TFEC: variants seen among roughly 807,000 people sequenced by gnomAD.
The protein encoded by TFEC is transcription factor EC.
Under a neutral mutation model 41.6 loss-of-function variants are expected in TFEC, and 31 were observed. The observed-to-expected ratio is 0.74, with a 90% confidence interval of 0.56 to 1.01. The LOEUF (loss-of-function observed/expected upper bound fraction) is 1.01, where lower values mean the gene tolerates loss of function less well. Ranked by LOEUF, TFEC falls within the 50% of genes least tolerant of loss-of-function variation. The probability of loss-of-function intolerance (pLI) is 0.00; values close to 1 mark genes in which losing one functional copy is unlikely to be tolerated. For synonymous variants in TFEC, 143 were observed against 140.6 expected, an observed-to-expected ratio of 1.02 and a Z score of -0.12; for missense variants, 402 against 404.1, an observed-to-expected ratio of 0.99 and a Z score of 0.04.
Position 116,030,717 on chromosome 7 carries a change from G to C in TFEC, c.-157C>G. ...CCTCTTCCCATAACATATGCACCAT[G>C]CCAGAAGGGACAACCAAAGTAAACG... is the stretch of plus-strand genomic sequence containing the variant. On this transcript the variant is annotated 5_prime_UTR_variant, in exon 1 of 8. Coordinates refer to ENST00000265440, the MANE Select transcript of TFEC (RefSeq NM_012252.4). The C allele has an allele frequency of 1.0e-6, 1 of 985,364 alleles. No individual in the cohort carries two copies. The highest frequency in any genetic ancestry group is 1.2e-6 in the Non-Finnish European group (1 of 829,924). The allele number at this position is 985,364 out of a possible 1,614,324, so 61.0% of individuals were successfully genotyped here.
In TFEC at chr7:115,974,429, TATATATATATATATATATATAA is replaced by T. The variant is rs1204259674; in HGVS notation, c.181-195_181-174del. On this transcript the variant is annotated intron_variant, in intron 2 of 7. Transcript: ENST00000265440. The stretch of plus-strand genomic sequence containing the variant: ...TATTATATATATATATATATATATA[TATATATATATATATATATATAA>T]AAACACAGATTACTTTAGCATTGAA... Among the ~76,000 whole-genome samples, 31 of 54,664 alleles carry T rather than the reference TATATATATATATATATATATAA, an allele frequency of 5.7e-4. 2 individuals are homozygous for T. The highest frequency in any genetic ancestry group is 5.8e-4 in the South Asian group (1 of 1,726). The allele number at this position is 54,664 out of a possible 152,430, so 35.9% of individuals were successfully genotyped here.
chr7:116,053,117 A>C (rs554350576), intron 3 of TFEC, among the ~76,000 whole-genome samples: 5 of 152,252 alleles, frequency 3.3e-5, no homozygotes, highest in African/African-American at 1.2e-4. Flanking sequence ...ACAATGGGTT[A>C]ATCTCTCCTG....
Position 116,054,703 on chromosome 7 carries a change from G to A in TFEC, c.198+56005C>T, listed in dbSNP as rs560885259. ...GTCTCAAATATGGCATGGAACATAC[G>A]TACACCAAAAAATTATTTGTTGTTC... On this transcript the variant is annotated intron_variant, in intron 3 of 8. Coordinates refer to the TFEC transcript ENST00000484212. Among the ~76,000 whole-genome samples, 16 of 152,112 alleles carry A rather than the reference G, an allele frequency of 1.1e-4. No homozygotes were observed. In the South Asian group the frequency reaches 1.4e-3, roughly 14 times the overall value.
chr7:116,082,434 G>A (rs572682604), intron 3 of TFEC, among the ~76,000 whole-genome samples: 3 of 151,870 alleles, frequency 2.0e-5, no homozygotes, highest in Non-Finnish European at 2.9e-5. Context: ...TAACTCACCA[G>A]AACTATTTTG....
chr7:115,996,393 A>G (rs1446623058), intron 1 of TFEC, among the ~76,000 whole-genome samples: 4 of 151,996 alleles, frequency 2.6e-5, no homozygotes, highest in Admixed American at 2.6e-4. Flanking sequence ...TTAAAATGCT[A>G]ATTAGACCCT....
At chr7:116,041,201 A>G (rs867079035) in intron 3 of TFEC, among the ~76,000 whole-genome samples, 8 of 152,210 alleles carry the variant, frequency 5.3e-5, no homozygotes, top group Middle Eastern at 3.4e-3. Flanking sequence ...ATCTTTTCAC[A>G]TAACATTTAT....
At chr7:116,131,381 G>A (rs568856754) in intron 1 of TFEC, among the ~76,000 whole-genome samples, 1 of 152,280 alleles carries the variant, frequency 6.6e-6, no homozygotes, top group East Asian at 1.9e-4. Context: ...GGACTAGTCT[G>A]TAAGACAGCT....
intron 1 of TFEC, among the ~76,000 whole-genome samples, chr7:115,990,774 C>T (rs547865701): frequency 2.1e-4 from 32 of 152,202 alleles, no homozygotes; most frequent in East Asian, 7.7e-4. Context: ...CTGAAAGTGA[C>T]GGGGAGAATG....
At chr7:116,113,154 A>G (rs1240145424) in intron 1 of TFEC, among the ~76,000 whole-genome samples, 8 of 151,922 alleles carry the variant, frequency 5.3e-5, no homozygotes, top group African/African-American at 1.9e-4. Flanking sequence ...CAGTTAAACT[A>G]TATCTCCCCC....
At chr7:115,947,342 C>T (rs1791646610) in intron 6 of TFEC, among the ~76,000 whole-genome samples, 1 of 151,326 alleles carries the variant, frequency 6.6e-6, no homozygotes, top group Non-Finnish European at 1.5e-5. Flanking sequence ...GGGTTGGTTC[C>T]AAGTCTTTGC....
chr7:116,044,167 T>C (rs1796105266), intron 3 of TFEC, among the ~76,000 whole-genome samples: 1 of 152,206 alleles, frequency 6.6e-6, no homozygotes. Context: ...ATATTAAATA[T>C]AAAAGTGACT....
intron 1 of TFEC, among the ~76,000 whole-genome samples, chr7:115,997,484 G>T (rs939635165): frequency 6.6e-6 from 1 of 152,084 alleles, no homozygotes; most frequent in Non-Finnish European, 1.5e-5. Context: ...AGACGGATGG[G>T]TACAAACCAG....
intron 3 of TFEC, among the ~76,000 whole-genome samples, chr7:116,042,020 GA>G (rs1199653898): frequency 6.6e-6 from 1 of 151,780 alleles, no homozygotes; most frequent in Non-Finnish European, 1.5e-5. Context: ...GTGTGACAGG[GA>G]AAAAACAGTG....
At chr7:115,951,969 C>A (rs535128537) in intron 5 of TFEC, among the ~76,000 whole-genome samples, 1 of 151,808 alleles carries the variant, frequency 6.6e-6, no homozygotes, top group Non-Finnish European at 1.5e-5. Context: ...ATGTTTAAAG[C>A]TTTTGGGGAA....
At chr7:116,047,123 T>C (rs1272474708) in intron 3 of TFEC, among the ~76,000 whole-genome samples, 1 of 152,176 alleles carries the variant, frequency 6.6e-6, no homozygotes, top group Non-Finnish European at 1.5e-5. Context: ...AGCTGATTTC[T>C]GCATTTCCAA....
At chr7:116,127,466 A>G (rs984637210) in intron 1 of TFEC, among the ~76,000 whole-genome samples, 39 of 152,232 alleles carry the variant, frequency 2.6e-4, no homozygotes, top group Non-Finnish European at 4.7e-4. Context: ...GAAAGCAGTG[A>G]TATGTTTGCA....
At position 116,126,625 on chromosome 7, in the gene TFEC, A is replaced by C. The variant is rs1028076945; in HGVS notation, c.-68-14587T>G. ...TCTGAGAGAAAATGACTTTTAGTATATAATTATTAAATTAGTAATTAGGGA... is the reference window on the plus strand; with the variant it reads ...TCTGAGAGAAAATGACTTTTAGTATCTAATTATTAAATTAGTAATTAGGGA... On this transcript the variant is annotated intron_variant, in intron 1 of 8. Coordinates refer to the TFEC transcript ENST00000484212. 5.9e-5 allele frequency among the ~76,000 whole-genome samples: 9 copies of C among 152,262 alleles called. No individual in the cohort carries two copies. The East Asian group carries it at 1.7e-3, about 29-fold the overall frequency.
chr7:116,153,126 C>T (rs1419040116), intron 1 of TFEC, among the ~76,000 whole-genome samples: 1 of 152,152 alleles, frequency 6.6e-6, no homozygotes, highest in Non-Finnish European at 1.5e-5. Context: ...TAAATCCCAG[C>T]CTGAAGACTG....
At chr7:116,142,556 G>A (rs1584566415) in intron 1 of TFEC, among the ~76,000 whole-genome samples, 1 of 152,242 alleles carries the variant, frequency 6.6e-6, no homozygotes, top group African/African-American at 2.4e-5. Flanking sequence ...TTGAAACTTA[G>A]AGAAGTCAAA....
Sources: allele counts gnomAD v4.1 joint callset (sites outside exome capture counted in the v4.1 genomes callset), GRCh38; gene constraint gnomAD v4.1.1; transcripts MANE v1.5; gene names NCBI Gene and HGNC (gene_info 2026-07-23, HGNC 2026-07-21).